Variants in DOCK3 observed in about 807,000 individuals in gnomAD.
The protein encoded by DOCK3 is dedicator of cytokinesis protein 3.
Under a neutral mutation model 265.6 loss-of-function variants are expected in DOCK3, and 60 were observed. That is an observed-to-expected ratio of 0.23 (90% CI 0.18 to 0.28). DOCK3 has a LOEUF of 0.28. Among genes scored for constraint, DOCK3 ranks in the 10% least tolerant of loss-of-function variants. DOCK3 has a pLI of 1.00. For synonymous variants in DOCK3, 881 were observed against 938.0 expected, an observed-to-expected ratio of 0.94 and a Z score of 1.11; for missense variants, 1,981 against 2,594.3, an observed-to-expected ratio of 0.76 and a Z score of 5.14.
chr3:50,957,552 T>C (rs913914933), intron 5 of DOCK3, among the ~76,000 whole-genome samples: 5 of 152,206 alleles, frequency 3.3e-5, no homozygotes, highest in Admixed American at 2.0e-4. Flanking sequence ...AGTGCCAGCT[T>C]CTTTTTGTCT....
chr3:50,695,479 T>C (rs932153281), intron 1 of DOCK3, among the ~76,000 whole-genome samples: 1 of 152,216 alleles, frequency 6.6e-6, no homozygotes, highest in Non-Finnish European at 1.5e-5. Context: ...ACTGGTTTCT[T>C]TCTGACCCAG....
rs915888811 is a variant in DOCK3, at chr3:51,312,645, C to T, written c.3194+69C>T. On this transcript the variant is annotated intron_variant, in intron 30 of 52. Coordinates refer to ENST00000266037, the MANE Select transcript of DOCK3 (RefSeq NM_004947.5). ...ATAGGGCTATGTTTCGTTGAGAGTT[C>T]TTTCAGAGGTCCACAAGGTTCTCAG... The T allele has an allele frequency of 1.9e-4, 265 of 1,421,894 alleles. 1 individual carries two copies. The highest frequency in any genetic ancestry group is 2.8e-4 in the Admixed American group (12 of 42,676). 88.1% of individuals were successfully genotyped at this position (1,421,894 alleles called of 1,614,324 possible). A position where few individuals can be genotyped will look rare whatever the true frequency, so the allele number is the denominator to read the frequency against.
intron 13 of DOCK3, among the ~76,000 whole-genome samples, chr3:51,210,485 C>A (rs1241610113): frequency 1.3e-5 from 2 of 152,136 alleles, no homozygotes; most frequent in African/African-American, 4.8e-5. Context: ...CCTGTTTCAA[C>A]CCCCTCGTTA....
chr3:51,041,828 A>G (rs1019218587), intron 5 of DOCK3, among the ~76,000 whole-genome samples: 1 of 152,164 alleles, frequency 6.6e-6, no homozygotes, highest in African/African-American at 2.4e-5. Context: ...ATAATTCTTA[A>G]AAGCCCCAGG....
At chr3:51,067,555 A>G (rs963134088) in intron 6 of DOCK3, among the ~76,000 whole-genome samples, 8 of 147,474 alleles carry the variant, frequency 5.4e-5, no homozygotes, top group African/African-American at 1.0e-4. Flanking sequence ...CCTCTTTCCT[A>G]TTTCTCCTTT....
chr3:50,829,827 C>G (rs2045023602), intron 2 of DOCK3, among the ~76,000 whole-genome samples: 1 of 152,042 alleles, frequency 6.6e-6, no homozygotes, highest in Non-Finnish European at 1.5e-5. Context: ...TCGCTTATGG[C>G]CCTCCAGAGT....
At chr3:51,176,602 G>A (rs2086970176) in intron 12 of DOCK3, among the ~76,000 whole-genome samples, 1 of 152,156 alleles carries the variant, frequency 6.6e-6, no homozygotes, top group Admixed American at 6.5e-5. Flanking sequence ...CTCCAGCCTG[G>A]GCAACAGAGC....
At chr3:51,350,932 T>C (rs1162574309) in intron 40 of DOCK3, among the ~76,000 whole-genome samples, 1 of 152,220 alleles carries the variant, frequency 6.6e-6, no homozygotes, top group Non-Finnish European at 1.5e-5. Flanking sequence ...AGCACTGGGT[T>C]TGGCTGTAGA....
chr3:51,375,803 G>T lies in DOCK3; in HGVS notation c.5468G>T (p.Cys1823Phe). The change falls in exon 51 of 53, where the codon TGC becomes TTC. Residue 1823 changes from cysteine to phenylalanine, a missense_variant. By Grantham distance (205) the Cys-to-Phe change is radical. This residue lies in a region of DOCK3 where 1,357 missense variants were observed against 1,866.8 expected (regional missense o/e 0.73). Coordinates refer to ENST00000266037, the MANE Select transcript of DOCK3 (RefSeq NM_004947.5). ...FQQVVGACKP[C>F]SDPNLSVAEK... is the part of the protein sequence containing the mutation. ...CAAGTGGTCGGAGCCTGCAAACCCT[G>T]CAGTGATCCCAATCTGTCTGTGGCT... The T allele has an allele frequency of 6.2e-7, 1 of 1,613,960 alleles. No homozygotes were observed. Among genetic ancestry groups the T allele is most frequent in the Non-Finnish European group, 8.5e-7 (1 of 1,179,876 alleles).
In DOCK3 at chr3:51,337,053, G is replaced by T. The variant is rs188957626; in HGVS notation, c.3612-1306G>T. 6.6e-5 allele frequency among the ~76,000 whole-genome samples: 10 copies of T among 152,280 alleles called. No homozygotes were observed. The East Asian group carries it at 1.9e-3, about 29-fold the overall frequency. On this transcript the variant is annotated intron_variant, in intron 35 of 52. Transcript: ENST00000266037. The stretch of plus-strand genomic sequence containing the variant: ...TGCTAGCGCTAAAGGGACAGGTTCT[G>T]CAGAGGGATGTTCAGGACCCTCATG...
At chr3:51,011,355 T>C (rs2078942818) in intron 5 of DOCK3, among the ~76,000 whole-genome samples, 1 of 152,202 alleles carries the variant, frequency 6.6e-6, no homozygotes, top group African/African-American at 2.4e-5. Context: ...AATTCTCTTC[T>C]CGCTTCATTT....
At chr3:50,947,780 G>T (rs2076465874) in intron 5 of DOCK3, among the ~76,000 whole-genome samples, 1 of 151,692 alleles carries the variant, frequency 6.6e-6, no homozygotes, top group Admixed American at 6.6e-5. Context: ...ACTCAATATG[G>T]TTAAGATGTT....
At chr3:51,311,134 T>C (rs1338055283) in intron 28 of DOCK3, among the ~76,000 whole-genome samples, 1 of 152,252 alleles carries the variant, frequency 6.6e-6, no homozygotes, top group African/African-American at 2.4e-5. Flanking sequence ...ATCTTTCTTG[T>C]TTCTATCTCT....
intron 27 of DOCK3, among the ~76,000 whole-genome samples, chr3:51,291,699 A>G (rs1309305563): frequency 2.0e-5 from 3 of 152,148 alleles, no homozygotes; most frequent in South Asian, 4.1e-4. Context: ...ATCCTTCCCA[A>G]ACTTTTCTTA....
intron 1 of DOCK3, among the ~76,000 whole-genome samples, chr3:50,676,039 A>T (rs889420572): frequency 1.3e-5 from 2 of 152,208 alleles, no homozygotes; most frequent in African/African-American, 4.8e-5. Context: ...TGAATGTTTT[A>T]CAATGTTAGT....
At chr3:51,339,751 C>T (rs547582414) in intron 37 of DOCK3, among the ~76,000 whole-genome samples, 3 of 152,306 alleles carry the variant, frequency 2.0e-5, no homozygotes, top group Admixed American at 6.5e-5. Flanking sequence ...ATCGTTCCCC[C>T]CAAAGAGCCA....
intron 9 of DOCK3, among the ~76,000 whole-genome samples, chr3:51,091,738 C>T (rs2082647278): frequency 1.3e-5 from 2 of 150,622 alleles, no homozygotes; most frequent in South Asian, 4.2e-4. Context: ...ATAGGAACAG[C>T]TCTGGTCTGC....
At chr3:51,341,472 A>T in intron 38 of DOCK3, 87 bp downstream of exon 38, 8 of 1,549,200 alleles carry the variant, frequency 5.2e-6, no homozygotes, top group Non-Finnish European at 6.1e-6. Context: ...CAGCAGCTGC[A>T]GGGGGTAGTG....
intron 1 of DOCK3, among the ~76,000 whole-genome samples, chr3:50,763,375 G>A (rs2040651552): frequency 1.3e-5 from 2 of 152,020 alleles, no homozygotes; most frequent in Admixed American, 6.6e-5. Context: ...TCTGCTTCCC[G>A]GGTTCAAGTG....
Sources: allele counts gnomAD v4.1 joint callset (sites outside exome capture counted in the v4.1 genomes callset), GRCh38; gene constraint gnomAD v4.1.1; regional missense constraint gnomAD v4.1.1; transcripts MANE v1.5; gene names NCBI Gene and HGNC (gene_info 2026-07-23, HGNC 2026-07-21).